Variants in TGFA observed in about 807,000 individuals in gnomAD.
The protein encoded by TGFA is transforming growth factor alpha.
TGFA carries 12 observed loss-of-function variants against 21.7 expected under a neutral mutation model. That is an observed-to-expected ratio of 0.55 (90% CI 0.35 to 0.90). TGFA has a LOEUF of 0.90. Among genes scored for constraint, TGFA ranks in the 40% least tolerant of loss-of-function variants. The probability of loss-of-function intolerance (pLI) is 0.01; values close to 1 mark genes in which losing one functional copy is unlikely to be tolerated. For synonymous variants in TGFA, 79 were observed against 88.1 expected (o/e 0.90, Z 0.58); for missense variants, 178 against 210.8 (o/e 0.84, Z 0.96).
intron 1 of TGFA, among the ~76,000 whole-genome samples, chr2:70,523,849 G>A (rs1279013302): frequency 6.6e-6 from 1 of 152,130 alleles, no homozygotes; most frequent in Non-Finnish European, 1.5e-5. Context: ...ACTAACAAGT[G>A]CCCAGAACTG....
intron 1 of TGFA, among the ~76,000 whole-genome samples, chr2:70,535,278 G>A (rs1262497386): frequency 6.6e-6 from 1 of 152,100 alleles, no homozygotes; most frequent in Non-Finnish European, 1.5e-5. Context: ...CTCCTGCCAT[G>A]ATCTATAAAA....
At chr2:70,521,866 G>A (rs1553502363) in intron 1 of TGFA, among the ~76,000 whole-genome samples, 2 of 151,956 alleles carry the variant, frequency 1.3e-5, no homozygotes, top group South Asian at 4.2e-4. Context: ...ACCTGCCTTG[G>A]CCTCCCAAAG....
chr2:70,522,472 TTGCCCA>T (rs1672501517), intron 1 of TGFA, among the ~76,000 whole-genome samples: 1 of 152,236 alleles, frequency 6.6e-6, no homozygotes, highest in African/African-American at 2.4e-5. Flanking sequence ...TCTTACTCTG[TTGCCCA>T]GGCTGGAGTA....
chr2:70,539,876 A>G (rs1372188678), intron 1 of TGFA, among the ~76,000 whole-genome samples: 1 of 152,182 alleles, frequency 6.6e-6, no homozygotes, highest in Non-Finnish European at 1.5e-5. Flanking sequence ...TTCCCGTGCC[A>G]GGTGTGGTCT....
intron 1 of TGFA, among the ~76,000 whole-genome samples, chr2:70,541,473 G>C (rs1553505193): frequency 6.6e-6 from 1 of 152,184 alleles, no homozygotes; most frequent in Non-Finnish European, 1.5e-5. Context: ...GATGTCTCTG[G>C]TGAGTCAATC....
intron 3 of TGFA, among the ~76,000 whole-genome samples, chr2:70,458,211 G>A (rs1172461412): frequency 6.6e-6 from 1 of 152,158 alleles, no homozygotes; most frequent in Non-Finnish European, 1.5e-5. Flanking sequence ...TGAGGCGGAG[G>A]CGAAGAGTGG....
chr2:70,481,907 T>C (rs1186918473), intron 2 of TGFA, among the ~76,000 whole-genome samples: 1 of 152,196 alleles, frequency 6.6e-6, no homozygotes, highest in African/African-American at 2.4e-5. Context: ...GACAGCAACC[T>C]CAATGAGAGA....
chr2:70,547,378 G>A (rs1286370214), intron 1 of TGFA, among the ~76,000 whole-genome samples: 2 of 152,038 alleles, frequency 1.3e-5, no homozygotes, highest in Non-Finnish European at 2.9e-5. Context: ...CAGATTGCCT[G>A]AGGTCAGGAG....
chr2:70,454,563 G>C (rs1670167092), intron 4 of TGFA, among the ~76,000 whole-genome samples: 1 of 152,212 alleles, frequency 6.6e-6, no homozygotes, highest in Non-Finnish European at 1.5e-5. Flanking sequence ...AGGTGGACTT[G>C]TCCTTGTCAC....
In TGFA at chr2:70,465,660, A is replaced by T. The variant is rs1448049520; in HGVS notation, c.171T>A (p.His57Gln). The T allele has an allele frequency of 6.2e-7, 1 of 1,614,180 alleles. No individual in the cohort carries two copies. Among genetic ancestry groups the T allele is most frequent in the Non-Finnish European group, 8.5e-7 (1 of 1,180,024 alleles). ...CPDSHTQFCFHGTCRFLVQED... is the reference protein window; with the variant it reads ...CPDSHTQFCFQGTCRFLVQED... Reference sequence around the variant, plus strand: ...CCTGCACCAAAAACCTGCAGGTTCCATGGAAGCAGAACTGAGTGTGGGAAT... The same window carrying T: ...CCTGCACCAAAAACCTGCAGGTTCCTTGGAAGCAGAACTGAGTGTGGGAAT... Residue 57 changes from histidine to glutamine, a missense_variant, in exon 3 of 6, where the codon CAT (histidine) becomes CAA (glutamine). Physicochemically the swap from His to Gln is conservative, Grantham distance 24 (BLOSUM62 0). Transcript: ENST00000295400.
At chr2:70,455,326 C>A (rs1553490296) in intron 4 of TGFA, among the ~76,000 whole-genome samples, 1 of 152,178 alleles carries the variant, frequency 6.6e-6, no homozygotes, top group Non-Finnish European at 1.5e-5. Flanking sequence ...GTCTCAATAG[C>A]CACAAACCAA....
chr2:70,481,939 C>G (rs1399865593), intron 2 of TGFA, among the ~76,000 whole-genome samples: 2 of 152,204 alleles, frequency 1.3e-5, no homozygotes, highest in African/African-American at 4.8e-5. Context: ...AACCTCCCAG[C>G]AAAGCCACTT....
At chr2:70,469,272 T>C (rs1670662562) in intron 2 of TGFA, among the ~76,000 whole-genome samples, 2 of 152,194 alleles carry the variant, frequency 1.3e-5, no homozygotes, top group Non-Finnish European at 2.9e-5. Flanking sequence ...AAGTCAGGCC[T>C]ATTGAAATAG....
rs1012571702 is a variant in TGFA, at chr2:70,447,769, G to T, written c.*3090C>A. The T allele has an allele frequency of 6.6e-6, 1 of 152,096 alleles. No individual in the cohort carries two copies. The highest frequency in any genetic ancestry group is 1.5e-5 in the Non-Finnish European group (1 of 68,024). The allele number at this position is 152,096 out of a possible 1,614,324, so 9.4% of individuals were successfully genotyped here. A position where few individuals can be genotyped will look rare whatever the true frequency, so the allele number is the denominator to read the frequency against. ...TGTCTTACTTCTGCAATGTGTTCTT[G>T]GTTTTGGGCATTTGAGTCATTCCTC... is the stretch of plus-strand genomic sequence containing the variant. On this transcript the variant is annotated 3_prime_UTR_variant, in exon 6 of 6. Transcript: ENST00000295400.
At chr2:70,553,309 G>C in intron 1 of TGFA, 1 of 1,524,700 alleles carries the variant, frequency 6.6e-7, no homozygotes, top group Non-Finnish European at 8.8e-7. Flanking sequence ...GACCCGGCCA[G>C]AGGGTTAGAC....
chr2:70,548,664 C>T (rs2103954719), intron 1 of TGFA, among the ~76,000 whole-genome samples: 1 of 152,338 alleles, frequency 6.6e-6, no homozygotes, highest in Non-Finnish European at 1.5e-5. Flanking sequence ...CTTCCTCTGA[C>T]TTAGAGCACT....
chr2:70,450,834 T>C lies in TGFA; in HGVS notation c.*25A>G. ...CTTTATTGATCTGCCACAGTCCACC[T>C]GGCCAAACTCCTCCTCTGGGCTCTT... is the stretch of plus-strand genomic sequence containing the variant. On this transcript the variant is annotated 3_prime_UTR_variant, in exon 6 of 6. Transcript: ENST00000295400. 6.2e-7 allele frequency: 1 copy of C among 1,608,904 alleles called. No homozygotes were observed. Among genetic ancestry groups the C allele is most frequent in the Non-Finnish European group, 8.5e-7 (1 of 1,177,374 alleles).
chr2:70,471,113 C>T (rs1297535952), intron 2 of TGFA, among the ~76,000 whole-genome samples: 2 of 140,694 alleles, frequency 1.4e-5, no homozygotes, highest in African/African-American at 2.8e-5. Flanking sequence ...CCCCGCACCC[C>T]CCCCACCATA....
chr2:70,506,196 T>C (rs1460784973), intron 2 of TGFA, among the ~76,000 whole-genome samples: 1 of 152,182 alleles, frequency 6.6e-6, no homozygotes, highest in Non-Finnish European at 1.5e-5. Context: ...GTTTTTGACT[T>C]TTCTTTACCA....
Sources: allele counts gnomAD v4.1 joint callset (sites outside exome capture counted in the v4.1 genomes callset), GRCh38; gene constraint gnomAD v4.1.1; transcripts MANE v1.5; gene names NCBI Gene and HGNC (gene_info 2026-07-23, HGNC 2026-07-21).